The following PSME4 variants were observed in gnomAD, a reference collection of about 807,000 sequenced individuals.
PSME4 encodes the protein proteasome activator subunit 4, also known as proteasome activator complex subunit 4.
In PSME4, 89 loss-of-function variants were observed where a neutral mutation model predicts 253.9. The ratio of observed to expected loss-of-function variants is 0.35; its 90% CI spans 0.30 to 0.42. The LOEUF is 0.42. PSME4 is among the 10% of genes least tolerant of loss of function. The pLI, the probability that PSME4 is intolerant of heterozygous loss-of-function variation, is 1.00. For synonymous variants in PSME4, 851 were observed against 759.2 expected, an observed-to-expected ratio of 1.12 and a Z score of -1.99; for missense variants, 2,014 against 2,195.2, an observed-to-expected ratio of 0.92 and a Z score of 1.65.
chr2:53,886,735 C>G (rs773013793), intron 40 of PSME4, among the ~76,000 whole-genome samples: 8 of 152,154 alleles, frequency 5.3e-5, no homozygotes, highest in Non-Finnish European at 1.0e-4. Context: ...GGAACTCAAA[C>G]AGGTACTTAT....
At chr2:53,897,465 T>C (rs955598676) in intron 31 of PSME4, among the ~76,000 whole-genome samples, 1 of 152,078 alleles carries the variant, frequency 6.6e-6, no homozygotes, top group African/African-American at 2.4e-5. Flanking sequence ...CACCAAGCCC[T>C]GCCCAGCCTC....
At chr2:53,953,551 C>A (rs1239955698) in intron 1 of PSME4, among the ~76,000 whole-genome samples, 1 of 144,768 alleles carries the variant, frequency 6.9e-6, no homozygotes, top group African/African-American at 2.5e-5. Context: ...ATGCATTATT[C>A]TTGGGATCCA....
At chr2:53,883,294 A>G (rs1305627931) in intron 41 of PSME4, among the ~76,000 whole-genome samples, 1 of 152,176 alleles carries the variant, frequency 6.6e-6, no homozygotes, top group African/African-American at 2.4e-5. Context: ...TGGGAGGACC[A>G]TTGGAGACCA....
At chr2:53,925,297 T>A (rs1668513874) in intron 14 of PSME4, among the ~76,000 whole-genome samples, 1 of 152,218 alleles carries the variant, frequency 6.6e-6, no homozygotes, top group Non-Finnish European at 1.5e-5. Context: ...AGATCAAATT[T>A]AAGTAACTGA....
chr2:53,927,595 C>T, intron 11 of PSME4, 112 bp from the exon 12 acceptor site: 1 of 813,272 alleles, frequency 1.2e-6, no homozygotes, highest in South Asian at 1.6e-5. Flanking sequence ...CAAAATCCCA[C>T]AACAGTTTTT....
intron 14 of PSME4, among the ~76,000 whole-genome samples, chr2:53,924,533 A>G (rs1387011848): frequency 6.6e-6 from 1 of 152,232 alleles, no homozygotes; most frequent in East Asian, 1.9e-4. Flanking sequence ...CTTAGGATTT[A>G]ATTTCTATCA....
chr2:53,904,714 C>T (rs896348130), intron 26 of PSME4, among the ~76,000 whole-genome samples: 1 of 152,184 alleles, frequency 6.6e-6, no homozygotes, highest in South Asian at 2.1e-4. Context: ...GTAGGATGGG[C>T]GCAGTGGCTC....
chr2:53,921,954 C>T (rs1415498517), intron 17 of PSME4, among the ~76,000 whole-genome samples: 6 of 151,232 alleles, frequency 4.0e-5, no homozygotes, highest in South Asian at 2.1e-4. Context: ...AGGCGGATCA[C>T]GAGGTCAGGA....
At chr2:53,961,184 T>G (rs1670481567) in intron 1 of PSME4, among the ~76,000 whole-genome samples, 1 of 152,128 alleles carries the variant, frequency 6.6e-6, no homozygotes, top group African/African-American at 2.4e-5. Context: ...ATGGGAATAT[T>G]TATAGTATGT....
At chr2:53,909,297 G>C (rs1456110085) in intron 21 of PSME4, among the ~76,000 whole-genome samples, 1 of 152,106 alleles carries the variant, frequency 6.6e-6, no homozygotes, top group Non-Finnish European at 1.5e-5. Flanking sequence ...CCAGCGATGA[G>C]AAAGGGTGCT....
intron 10 of PSME4, 140 bp downstream of exon 10, chr2:53,931,695 T>TA (rs1312957081): frequency 1.1e-5 from 10 of 899,748 alleles, no homozygotes; most frequent in Non-Finnish European, 1.5e-5. Flanking sequence ...ATCATTACAT[T>TA]AAAATGTCCT....
At chr2:53,966,273 G>A (rs1670732258) in intron 1 of PSME4, among the ~76,000 whole-genome samples, 1 of 152,072 alleles carries the variant, frequency 6.6e-6, no homozygotes, top group African/African-American at 2.4e-5. Context: ...GACAGAGCGA[G>A]ACTCTGTCTC....
At chr2:53,938,117 A>G (rs1293610397) in intron 4 of PSME4, among the ~76,000 whole-genome samples, 1 of 152,224 alleles carries the variant, frequency 6.6e-6, no homozygotes, top group Non-Finnish European at 1.5e-5. Context: ...TCAGTTACCT[A>G]TAAAATTAAA....
intron 11 of PSME4, 41 bp downstream of exon 11, chr2:53,928,076 T>G (rs1301448160): frequency 2.1e-5 from 31 of 1,497,676 alleles, no homozygotes; most frequent in Non-Finnish European, 2.8e-5. Flanking sequence ...TTACTTTGCC[T>G]CCTACCTAAA....
chr2:53,940,719 G>A (rs1669350789), intron 3 of PSME4, among the ~76,000 whole-genome samples: 1 of 150,330 alleles, frequency 6.7e-6, no homozygotes, highest in Admixed American at 6.7e-5. Flanking sequence ...TAGTCAAGCG[G>A]TCAAATGCAA....
At chr2:53,949,889 G>C (rs1669896237) in intron 1 of PSME4, among the ~76,000 whole-genome samples, 1 of 152,136 alleles carries the variant, frequency 6.6e-6, no homozygotes, top group Non-Finnish European at 1.5e-5. Flanking sequence ...TTTAAAAATA[G>C]GTGTGGTAAC....
chr2:53,906,245 A>G (rs535363833), intron 26 of PSME4, among the ~76,000 whole-genome samples: 1 of 152,314 alleles, frequency 6.6e-6, no homozygotes, highest in South Asian at 2.1e-4. Flanking sequence ...TCAAAATGTG[A>G]TTGAAGTGCC....
chr2:53,940,272 C>A (rs570525138), intron 3 of PSME4, among the ~76,000 whole-genome samples: 148 of 152,200 alleles, frequency 9.7e-4, no homozygotes, highest in African/African-American at 3.5e-3. Flanking sequence ...TGTTTTCAGT[C>A]TTTACAAGGT....
At chr2:53,900,135 C>T (rs1000368856) in intron 28 of PSME4, 118 bp from the exon 29 acceptor site, 18 of 939,690 alleles carry the variant, frequency 1.9e-5, no homozygotes, top group East Asian at 5.2e-5. Flanking sequence ...ACATATTTTA[C>T]GATTCCATTT....
Sources: gnomAD v4.1 joint callset for allele counts (sites outside exome capture counted in the v4.1 genomes callset) on GRCh38, gnomAD v4.1.1 for gene constraint, MANE v1.5 for transcripts, NCBI Gene and HGNC (gene_info 2026-07-23, HGNC 2026-07-21) for gene names.